SYNE1: variants seen among roughly 807,000 people sequenced by gnomAD.
SYNE1 encodes nesprin-1.
In SYNE1, 616 loss-of-function variants were observed where a neutral mutation model predicts 1,111.0. The ratio of observed to expected loss-of-function variants is 0.55; its 90% CI spans 0.52 to 0.59. The LOEUF is 0.59. Ranked by LOEUF, SYNE1 falls within the 20% of genes least tolerant of loss-of-function variation. SYNE1 has a pLI of 0.00. For missense variants in SYNE1, 10,006 were observed against 10,417.0 expected, an observed-to-expected ratio of 0.96 and a Z score of 1.72; for synonymous variants, 3,855 against 3,825.8, an observed-to-expected ratio of 1.01 and a Z score of -0.28.
intron 74 of SYNE1, among the ~76,000 whole-genome samples, chr6:152,343,065 A>AT (rs2096564018): frequency 6.6e-6 from 1 of 152,176 alleles, no homozygotes. Flanking sequence ...GCTTGGAGAA[A>AT]TTAAGCGACT....
At chr6:152,414,201 C>T (rs1444643498) in intron 41 of SYNE1, among the ~76,000 whole-genome samples, 2 of 151,788 alleles carry the variant, frequency 1.3e-5, no homozygotes, top group African/African-American at 4.8e-5. Context: ...ACCAAGAATT[C>T]AAGACCAACC....
chr6:152,619,886 G>C (rs2099671532), intron 3 of SYNE1, among the ~76,000 whole-genome samples: 1 of 152,076 alleles, frequency 6.6e-6, no homozygotes, highest in Non-Finnish European at 1.5e-5. Flanking sequence ...ATGTCTAAAT[G>C]GGCTCTACAT....
rs781502791 is a variant in SYNE1, at chr6:152,143,782, A to T, written c.24977-17T>A. 9 of 1,614,186 alleles carry T rather than the reference A, an allele frequency of 5.6e-6. No homozygotes were observed. The South Asian group carries it at 9.9e-5, about 18-fold the overall frequency. On this transcript the variant is annotated splice_polypyrimidine_tract_variant and intron_variant, in intron 137 of 145. Coordinates refer to ENST00000367255, the MANE Select transcript of SYNE1 (RefSeq NM_182961.4). ...TGTGGTCCCCTGCGGTGGCAACCAT[A>T]AGAATCTTTACTGGACAAACTATTT...
chr6:152,374,734 A>C (rs1449510487), intron 58 of SYNE1, among the ~76,000 whole-genome samples: 2 of 152,034 alleles, frequency 1.3e-5, no homozygotes, highest in Non-Finnish European at 2.9e-5. Flanking sequence ...AGATAGGGCC[A>C]CTGGACTCCA....
intron 90 of SYNE1, 53 bp downstream of exon 90, chr6:152,309,782 A>T (rs2095492826): frequency 6.2e-7 from 1 of 1,605,986 alleles, no homozygotes; most frequent in African/African-American, 1.3e-5. Flanking sequence ...CTAAGAAAAG[A>T]AGCCCATGAT....
intron 90 of SYNE1, among the ~76,000 whole-genome samples, 198 bp downstream of exon 90, chr6:152,309,636 AT>A (rs1285577184): frequency 6.6e-6 from 1 of 152,172 alleles, no homozygotes; most frequent in Non-Finnish European, 1.5e-5. Flanking sequence ...CACCAAGGAT[AT>A]TTTTTATATA....
chr6:152,366,225 G>C (rs1054605811), intron 62 of SYNE1, among the ~76,000 whole-genome samples: 1 of 152,066 alleles, frequency 6.6e-6, no homozygotes, highest in Non-Finnish European at 1.5e-5. Flanking sequence ...CCAGCTACTT[G>C]GGAGGCTGAG....
chr6:152,265,187 C>G (rs1017773609), intron 100 of SYNE1, among the ~76,000 whole-genome samples: 2 of 134,034 alleles, frequency 1.5e-5, no homozygotes, highest in Non-Finnish European at 3.1e-5. Context: ...GCCTGGGCAA[C>G]GCAGCAAGAC....
intron 51 of SYNE1, among the ~76,000 whole-genome samples, chr6:152,392,527 C>T (rs186314505): frequency 8.5e-4 from 130 of 152,082 alleles, no homozygotes; most frequent in African/African-American, 2.9e-3. Context: ...AGAAAAAGAA[C>T]ACAAAGCAAA....
chr6:152,303,938 ATTG>A (rs2095289799), intron 91 of SYNE1, among the ~76,000 whole-genome samples: 1 of 151,972 alleles, frequency 6.6e-6, no homozygotes, highest in East Asian at 1.9e-4. Context: ...TTTTGTTATT[ATTG>A]TTGTTTTGTT....
chr6:152,151,870 A>C, intron 134 of SYNE1, 89 bp downstream of exon 134: 1 of 1,540,712 alleles, frequency 6.5e-7, no homozygotes, highest in Middle Eastern at 1.8e-4. Context: ...CATTCTTACA[A>C]AATCACTGAG....
intron 130 of SYNE1, among the ~76,000 whole-genome samples, chr6:152,169,392 C>T (rs1338380235): frequency 1.3e-5 from 2 of 151,556 alleles, no homozygotes; most frequent in African/African-American, 2.4e-5. Context: ...GAAACCCTGT[C>T]TCTACTAAAA....
chr6:152,290,509 T>C (rs2094551731), intron 95 of SYNE1, among the ~76,000 whole-genome samples: 2 of 152,094 alleles, frequency 1.3e-5, no homozygotes, highest in Admixed American at 1.3e-4. Flanking sequence ...TGAGCCAAGA[T>C]CACGTCACTA....
chr6:152,516,504 A>G (rs1273663024), intron 6 of SYNE1, among the ~76,000 whole-genome samples: 1 of 152,236 alleles, frequency 6.6e-6, no homozygotes, highest in African/African-American at 2.4e-5. Context: ...GCCAATCAAT[A>G]TAACTCAGAA....
At chr6:152,254,504 C>G (rs1449831185) in intron 104 of SYNE1, among the ~76,000 whole-genome samples, 1 of 152,076 alleles carries the variant, frequency 6.6e-6, no homozygotes, top group African/African-American at 2.4e-5. Flanking sequence ...CCTGCCGTGG[C>G]CTCCCAAAGT....
chr6:152,419,515 AC>A, intron 40 of SYNE1, 53 bp downstream of exon 40: 1 of 1,545,692 alleles, frequency 6.5e-7, no homozygotes, highest in Admixed American at 2.0e-5. Context: ...TAATTCAAGA[AC>A]TTTTTTATGA....
intron 26 of SYNE1, 80 bp from the exon 27 acceptor site, chr6:152,450,913 A>C (rs2098642733): frequency 6.3e-7 from 1 of 1,598,800 alleles, no homozygotes; most frequent in East Asian, 2.2e-5. Flanking sequence ...AACCAAAGGA[A>C]GATTCCCACG....
At position 152,353,674 on chromosome 6, in the gene SYNE1, A is replaced by C. The variant is rs766421013; in HGVS notation, c.10997T>G (p.Leu3666Arg). 6.2e-7 allele frequency: 1 copy of C among 1,614,222 alleles called. No individual in the cohort carries two copies. The highest frequency in any genetic ancestry group is 1.1e-5 in the South Asian group (1 of 91,088). Residue 3666 changes from leucine to arginine, a missense_variant, in exon 68 of 146, where the codon CTG becomes CGG. Coordinates refer to ENST00000367255, the MANE Select transcript of SYNE1 (RefSeq NM_182961.4). ...EEVGARAQEI[L>R]DESHVNSRMG... is the part of the protein sequence containing the mutation. Reference sequence around the variant, plus strand: ...TCTGCTGTTCACGTGGCTCTCGTCCAGTATCTCCTGAGCTCTAGCTCCCAC... The same window carrying C: ...TCTGCTGTTCACGTGGCTCTCGTCCCGTATCTCCTGAGCTCTAGCTCCCAC...
intron 127 of SYNE1, among the ~76,000 whole-genome samples, chr6:152,190,725 C>T (rs1270264729): frequency 2.6e-5 from 4 of 152,210 alleles, no homozygotes; most frequent in Non-Finnish European, 5.9e-5. Flanking sequence ...CATGTACCCT[C>T]CCAAGCTCTG....
Sources: gnomAD v4.1 joint callset for allele counts (sites outside exome capture counted in the v4.1 genomes callset) on GRCh38, gnomAD v4.1.1 for gene constraint, MANE v1.5 for transcripts, NCBI Gene and HGNC (gene_info 2026-07-23, HGNC 2026-07-21) for gene names.